Variants in DOCK8 observed in about 807,000 individuals in gnomAD.
The protein encoded by DOCK8 is dedicator of cytokinesis 8.
Under a neutral mutation model 245.6 loss-of-function variants are expected in DOCK8, and 141 were observed. The ratio of observed to expected loss-of-function variants is 0.57; its 90% CI spans 0.50 to 0.66. The LOEUF (loss-of-function observed/expected upper bound fraction) is 0.66, where lower values mean the gene tolerates loss of function less well. Ranked by LOEUF, DOCK8 falls within the 30% of genes least tolerant of loss-of-function variation. DOCK8 has a pLI of 0.00. For missense variants in DOCK8, 2,965 were observed against 2,603.4 expected, an observed-to-expected ratio of 1.14 and a Z score of -3.02; for synonymous variants, 1,168 against 970.2, an observed-to-expected ratio of 1.20 and a Z score of -3.79.
intron 3 of DOCK8, among the ~76,000 whole-genome samples, chr9:288,752 G>A (rs1186570127): frequency 6.6e-6 from 1 of 152,194 alleles, no homozygotes; most frequent in East Asian, 1.9e-4. Context: ...ATGAAGCTGG[G>A]ATTTGGGCAA....
chr9:235,401 A>G (rs1244565352), intron 1 of DOCK8, among the ~76,000 whole-genome samples: 1 of 152,172 alleles, frequency 6.6e-6, no homozygotes, highest in Non-Finnish European at 1.5e-5. Flanking sequence ...GTGTGCTGGG[A>G]GAACCACTCC....
chr9:271,587 AAAT>A (rs2048166724), intron 1 of DOCK8, 37 bp from the exon 2 acceptor site: 3 of 1,415,270 alleles, frequency 2.1e-6, no homozygotes, highest in Non-Finnish European at 2.9e-6. Context: ...TGATTTCCTA[AAAT>A]AATCATTTCA....
intron 14 of DOCK8, among the ~76,000 whole-genome samples, chr9:360,713 C>T (rs574811404): frequency 6.6e-6 from 1 of 152,106 alleles, no homozygotes; most frequent in African/African-American, 2.4e-5. Context: ...GTTCATAGAT[C>T]CTAGGTGCTG....
chr9:340,297 T>C lies in DOCK8; in HGVS notation c.1655T>C (p.Val552Ala). 4 of 1,613,970 alleles carry C rather than the reference T, an allele frequency of 2.5e-6. No individual in the cohort carries two copies. Among genetic ancestry groups the C allele is most frequent in the South Asian group, 1.1e-5 (1 of 91,064 alleles). Residue 552 changes from valine to alanine, a missense_variant, in exon 14 of 48, where the codon GTA becomes GCA. This residue lies in a region of DOCK8 where 2,825 missense variants were observed against 2,453.5 expected (regional missense o/e 1.15). Transcript: ENST00000432829. ...KEILEFPTRE[V>A]YVPHTVYRNL... is the part of the protein sequence containing the mutation. ...ATTTTGGAATTTCCAACACGAGAAG[T>C]ATATGTCCCTCACACTGTGTACAGG...
chr9:449,170 G>C (rs1245759437), intron 44 of DOCK8, among the ~76,000 whole-genome samples: 1 of 152,108 alleles, frequency 6.6e-6, no homozygotes, highest in Non-Finnish European at 1.5e-5. Flanking sequence ...GGCCAACATA[G>C]AGAAACCGCA....
chr9:248,963 A>C (rs1401820908), intron 1 of DOCK8, among the ~76,000 whole-genome samples: 1 of 152,212 alleles, frequency 6.6e-6, no homozygotes, highest in Non-Finnish European at 1.5e-5. Flanking sequence ...GGCAAAAATG[A>C]CTGCACACTT....
intron 24 of DOCK8, among the ~76,000 whole-genome samples, chr9:393,983 A>G (rs2054323069): frequency 6.6e-6 from 1 of 152,208 alleles, no homozygotes; most frequent in Non-Finnish European, 1.5e-5. Context: ...TAGCAGAGTA[A>G]CTGGGGCCTA....
chr9:365,575 T>C (rs1330885527), intron 14 of DOCK8: 4 of 146,908 alleles, frequency 2.7e-5, no homozygotes, highest in East Asian at 1.9e-4. Context: ...CAGAGAAGGC[T>C]TTTTTTTTTT....
chr9:393,115 GAA>G (rs2054282780), intron 24 of DOCK8, among the ~76,000 whole-genome samples: 1 of 82,750 alleles, frequency 1.2e-5, no homozygotes, highest in Non-Finnish European at 2.3e-5. Flanking sequence ...AAAAAAAAAA[GAA>G]GAAGAAGAAG....
rs574484584 is a variant in DOCK8, at chr9:297,628, T to C, written c.405-6953T>C. Among the ~76,000 whole-genome samples the C allele has an allele frequency of 3.3e-5, 5 of 152,296 alleles. No homozygotes were observed. The East Asian group carries it at 9.7e-4, about 29-fold the overall frequency. On this transcript the variant is annotated intron_variant, in intron 4 of 47. Transcript: ENST00000432829. ...GGGACTCTCTTGTAGCCAGCGGCAG[T>C]GAGCCAGCAGTCTCACTGCCTACCC...
intron 14 of DOCK8, chr9:365,748 A>G (rs1485262266): frequency 2.3e-6 from 1 of 427,616 alleles, no homozygotes; most frequent in Non-Finnish European, 4.6e-6. Flanking sequence ...GCCTCCAGAG[A>G]GAACACCCTC....
At chr9:305,330 T>C (rs2049770711) in intron 5 of DOCK8, among the ~76,000 whole-genome samples, 1 of 152,000 alleles carries the variant, frequency 6.6e-6, no homozygotes, top group Non-Finnish European at 1.5e-5. Flanking sequence ...TCGCCCAGGC[T>C]GGACTGCAGT....
intron 5 of DOCK8, among the ~76,000 whole-genome samples, chr9:311,298 A>AG (rs1554664486): frequency 6.6e-6 from 1 of 151,502 alleles, no homozygotes; most frequent in East Asian, 1.9e-4. Flanking sequence ...AAAAAAAAAA[A>AG]AGGTAATCAT....
intron 30 of DOCK8, among the ~76,000 whole-genome samples, chr9:419,750 C>G (rs549563673): frequency 6.6e-6 from 1 of 152,266 alleles, no homozygotes; most frequent in East Asian, 1.9e-4. Flanking sequence ...GCGCTCAGCA[C>G]TTTAAAATGA....
chr9:319,280 C>T (rs1405440793), intron 7 of DOCK8, among the ~76,000 whole-genome samples: 1 of 152,140 alleles, frequency 6.6e-6, no homozygotes, highest in Non-Finnish European at 1.5e-5. Context: ...GAGACCCTGT[C>T]TCTAAAATTA....
rs1259368710 is a variant in DOCK8, at chr9:370,311, T to G, written c.1868+11T>G. 1.2e-6 allele frequency: 2 copies of G among 1,612,344 alleles called. No individual in the cohort carries two copies. Among genetic ancestry groups the G allele is most frequent in the Admixed American group, 1.7e-5 (1 of 60,026 alleles). On this transcript the variant is annotated intron_variant, in intron 16 of 47. Coordinates refer to ENST00000432829, the MANE Select transcript of DOCK8 (RefSeq NM_203447.4). ...TACATACCATAATAAGTAAGTCTATTTCAGCATTCTAAATATATGCCAAGA... is the reference window on the plus strand; with the variant it reads ...TACATACCATAATAAGTAAGTCTATGTCAGCATTCTAAATATATGCCAAGA...
chr9:353,419 T>C (rs1403729760), intron 14 of DOCK8, among the ~76,000 whole-genome samples: 1 of 152,218 alleles, frequency 6.6e-6, no homozygotes. Flanking sequence ...TGAAGATTAT[T>C]GATGTATTCA....
intron 1 of DOCK8, among the ~76,000 whole-genome samples, chr9:243,550 G>A (rs1179610958): frequency 1.3e-5 from 2 of 152,136 alleles, no homozygotes; most frequent in African/African-American, 4.8e-5. Context: ...GATTAGTTCC[G>A]TGACAGTCCA....
intron 14 of DOCK8, among the ~76,000 whole-genome samples, chr9:343,971 G>C (rs960121716): frequency 6.6e-6 from 1 of 152,204 alleles, no homozygotes; most frequent in Non-Finnish European, 1.5e-5. Flanking sequence ...GAGTGCATTA[G>C]TGCACTGAAT....
Sources: gnomAD v4.1 joint callset for allele counts (sites outside exome capture counted in the v4.1 genomes callset) on GRCh38, gnomAD v4.1.1 for gene constraint, gnomAD v4.1.1 regional missense constraint, MANE v1.5 for transcripts, NCBI Gene and HGNC (gene_info 2026-07-23, HGNC 2026-07-21) for gene names.